Variants in ZNF544 observed in about 807,000 individuals in gnomAD.
ZNF544 encodes the protein zinc finger protein 544, also known as zinc finger protein AF020591.
In ZNF544, 10 loss-of-function variants were observed where a neutral mutation model predicts 13.5. The ratio of observed to expected loss-of-function variants is 0.74; its 90% CI spans 0.46 to 1.25. ZNF544 has a LOEUF of 1.25. Ranked by LOEUF, ZNF544 falls within the 50% of genes most tolerant of loss-of-function variation. ZNF544 has a pLI of 0.00. For missense variants in ZNF544, 896 were observed against 845.6 expected (o/e 1.06, Z -0.74); for synonymous variants, 323 against 300.5 (o/e 1.07, Z -0.77).
chr19:58,248,551 T>A (rs1182559816), intron 6 of ZNF544, among the ~76,000 whole-genome samples: 1 of 152,076 alleles, frequency 6.6e-6, no homozygotes, highest in Non-Finnish European at 1.5e-5. Flanking sequence ...CTCCTGATGT[T>A]GTATATTCTG....
At chr19:58,236,252 C>G (rs2042353959) in intron 3 of ZNF544, among the ~76,000 whole-genome samples, 1 of 151,742 alleles carries the variant, frequency 6.6e-6, no homozygotes, top group Non-Finnish European at 1.5e-5. Flanking sequence ...GCAATGCTAG[C>G]ACTTTGGGAG....
chr19:58,238,389 G>C (rs1417588710), intron 3 of ZNF544, among the ~76,000 whole-genome samples: 1 of 152,156 alleles, frequency 6.6e-6, no homozygotes, highest in African/African-American at 2.4e-5. Context: ...AAAGTCAAAG[G>C]CAGGACCCCA....
Position 58,230,423 on chromosome 19 carries a change from G to C in ZNF544, c.-99G>C, listed in dbSNP as rs1034695764. The C allele has an allele frequency of 6.6e-6, 1 of 152,250 alleles. No individual in the cohort carries two copies. The highest frequency in any genetic ancestry group is 6.5e-5 in the Admixed American group (1 of 15,272). The allele number at this position is 152,250 out of a possible 1,614,324, so 9.4% of individuals were successfully genotyped here. A position where few individuals can be genotyped will look rare whatever the true frequency, so the allele number is the denominator to read the frequency against. ...CTACGGATGAGGAAACTGAGGCCTG[G>C]AGAGGTTAAAGAGACCCGTTCAGAG... is the stretch of plus-strand genomic sequence containing the variant. On this transcript the variant is annotated 5_prime_UTR_variant, in exon 3 of 7. Coordinates refer to ENST00000687789, the MANE Select transcript of ZNF544 (RefSeq NM_014480.4).
At chr19:58,258,353 G>A (rs924973176) in intron 6 of ZNF544, 3 of 154,174 alleles carry the variant, frequency 1.9e-5, no homozygotes, top group Non-Finnish European at 4.3e-5. Flanking sequence ...GTTGGGATGA[G>A]GACAGTGCAA....
chr19:58,265,283 T>TA (rs1037892296), downstream of ZNF544, among the ~76,000 whole-genome samples: 3 of 24,244 alleles, frequency 1.2e-4, no homozygotes, highest in Non-Finnish European at 2.5e-4. Flanking sequence ...CATGTCTGCA[T>TA]ATTTATTTAT....
At position 58,261,601 on chromosome 19, in the gene ZNF544, G is replaced by A. The variant is rs370048835; in HGVS notation, c.995G>A (p.Cys332Tyr). ...GETPFRCEER[C>Y]AAFPMASSFS... is the part of the protein sequence containing the mutation. ...ACCCCCTTCAGATGTGAGGAACGCT[G>A]TGCTGCCTTCCCCATGGCCTCATCT... Residue 332 changes from cysteine (C) to tyrosine (Y), a missense_variant, in exon 7 of 7, where the codon TGT becomes TAT. Cys to Tyr is a radical substitution (Grantham distance 194). Coordinates refer to ENST00000687789, the MANE Select transcript of ZNF544 (RefSeq NM_014480.4). The A allele has an allele frequency of 1.3e-5, 21 of 1,614,212 alleles. No individual in the cohort carries two copies. The highest frequency in any genetic ancestry group is 1.8e-5 in the Non-Finnish European group (21 of 1,180,046).
intron 2 of ZNF544, chr19:58,230,108 C>T (rs946976286): frequency 6.6e-6 from 1 of 152,074 alleles, no homozygotes; most frequent in Non-Finnish European, 1.5e-5. Context: ...GACACGTAAC[C>T]TGGAGCAGAT....
intron 6 of ZNF544, among the ~76,000 whole-genome samples, chr19:58,257,020 C>T (rs1308143503): frequency 6.6e-6 from 1 of 152,054 alleles, no homozygotes; most frequent in Admixed American, 6.5e-5. Context: ...CTCCCAGGTT[C>T]ACGCCATTCT....
chr19:58,252,553 A>C (rs902851378), intron 6 of ZNF544, among the ~76,000 whole-genome samples: 10 of 151,938 alleles, frequency 6.6e-5, no homozygotes, highest in Non-Finnish European at 1.3e-4. Flanking sequence ...CCTTTTTTTT[A>C]AGTCAACAAC....
intron 3 of ZNF544, among the ~76,000 whole-genome samples, chr19:58,237,323 C>T (rs566199851): frequency 8.5e-5 from 13 of 152,328 alleles, no homozygotes; most frequent in African/African-American, 2.2e-4. Flanking sequence ...CTCTGCTGCC[C>T]AGAGTTTACA....
At chr19:58,245,271 GTTAAAA>G (rs2044873362) in intron 4 of ZNF544, among the ~76,000 whole-genome samples, 1 of 149,336 alleles carries the variant, frequency 6.7e-6, no homozygotes, top group African/African-American at 2.5e-5. Flanking sequence ...TTCTTAAACA[GTTAAAA>G]TTAATCACCT....
intron 3 of ZNF544, among the ~76,000 whole-genome samples, chr19:58,235,401 A>C (rs916836049): frequency 2.0e-5 from 3 of 152,214 alleles, no homozygotes; most frequent in Non-Finnish European, 4.4e-5. Flanking sequence ...ACTGACCAGA[A>C]CGTCATTATG....
In ZNF544 at chr19:58,262,151, T is replaced by G; in HGVS notation, c.1545T>G (p.Thr515=). The G allele has an allele frequency of 6.2e-7, 1 of 1,613,720 alleles. No individual in the cohort carries two copies. The highest frequency in any genetic ancestry group is 8.5e-7 in the Non-Finnish European group (1 of 1,179,980). The change falls in exon 7 of 7, where the codon ACT becomes ACG. Residue 515 remains threonine (T), a synonymous_variant. Transcript: ENST00000687789. The stretch of plus-strand genomic sequence containing the variant: ...TTGTTGTACATCAGAGGACACACAC[T>G]GGAGAGAAGCCCTATGAGTGCAACC... ...YDLVVHQRTH[T]GEKPYECNLC...
rs77807910 is a variant in ZNF544, at chr19:58,234,266, G to T, written c.-60+3804G>T. Among the ~76,000 whole-genome samples, 518 of 152,314 alleles carry T rather than the reference G, an allele frequency of 3.4e-3. 4 individuals are homozygous for T. Among genetic ancestry groups the T allele is most frequent in the African/African-American group, 0.012 (490 of 41,564 alleles). ...TGGGCCAGGGTCGTTCCAGTCTCTG[G>T]GGTGAGGTTTCCAATCTGCCTCAGC... On this transcript the variant is annotated intron_variant, in intron 3 of 6. Coordinates refer to ENST00000687789, the MANE Select transcript of ZNF544 (RefSeq NM_014480.4).
chr19:58,237,943 G>A (rs567962442), intron 3 of ZNF544, among the ~76,000 whole-genome samples: 10 of 152,300 alleles, frequency 6.6e-5, no homozygotes, highest in African/African-American at 2.4e-4. Flanking sequence ...TGTGGGGAGT[G>A]TCTGGAGATT....
At chr19:58,257,745 T>C (rs766866497) in intron 6 of ZNF544, 1 of 152,256 alleles carries the variant, frequency 6.6e-6, no homozygotes, top group Non-Finnish European at 1.5e-5. Flanking sequence ...CTGATCTTTA[T>C]CCTGTCTCCA....
intron 3 of ZNF544, among the ~76,000 whole-genome samples, chr19:58,240,273 T>TA (rs1018048209): frequency 1.5e-4 from 23 of 151,160 alleles, no homozygotes; most frequent in Middle Eastern, 3.4e-3. Flanking sequence ...TTTTTTTTTT[T>TA]TGGAGACAGA....
chr19:58,242,027 C>T (rs890939157), intron 3 of ZNF544, among the ~76,000 whole-genome samples: 5 of 151,968 alleles, frequency 3.3e-5, no homozygotes, highest in Non-Finnish European at 5.9e-5. Flanking sequence ...TTAGGACCTG[C>T]GAAGCTCATG....
Position 58,260,741 on chromosome 19 carries a change from T to C in ZNF544, c.245-110T>C, listed in dbSNP as rs1313550557. 4.8e-6 allele frequency: 5 copies of C among 1,047,372 alleles called. 1 individual carries two copies. The South Asian group carries it at 5.2e-5, about 11-fold the overall frequency. The allele number at this position is 1,047,372 out of a possible 1,614,324, so 64.9% of individuals were successfully genotyped here. ...CTGCATACGGATTACAGTTTGTAGT[T>C]TGGAAACAAACCAGAGACACTTCCA... On this transcript the variant is annotated intron_variant, in intron 6 of 6. Coordinates refer to ENST00000687789, the MANE Select transcript of ZNF544 (RefSeq NM_014480.4).
Sources: allele counts gnomAD v4.1 joint callset (sites outside exome capture counted in the v4.1 genomes callset), GRCh38; gene constraint gnomAD v4.1.1; transcripts MANE v1.5; gene names NCBI Gene and HGNC (gene_info 2026-07-23, HGNC 2026-07-21).